Variants in COLGALT2 observed in about 807,000 individuals in gnomAD.
COLGALT2 encodes collagen beta(1-O)galactosyltransferase 2, also known as procollagen galactosyltransferase 2.
Under a neutral mutation model 73.4 loss-of-function variants are expected in COLGALT2, and 49 were observed. The observed-to-expected ratio is 0.67, with a 90% CI of 0.53 to 0.85. The LOEUF is 0.85. COLGALT2 is among the 40% of genes least tolerant of loss of function. COLGALT2 has a pLI of 0.00. For synonymous variants in COLGALT2, 295 were observed against 307.6 expected (o/e 0.96, Z 0.43); for missense variants, 722 against 790.2 (o/e 0.91, Z 1.03).
At chr1:184,032,007 C>T (rs1422308634) in intron 1 of COLGALT2, among the ~76,000 whole-genome samples, 1 of 141,460 alleles carries the variant, frequency 7.1e-6, no homozygotes, top group African/African-American at 2.7e-5. Context: ...AGCAATCCAC[C>T]CACAGTCTCC....
intron 1 of COLGALT2, among the ~76,000 whole-genome samples, chr1:183,981,245 A>G (rs913526712): frequency 6.6e-6 from 1 of 152,194 alleles, no homozygotes; most frequent in African/African-American, 2.4e-5. Flanking sequence ...AAAAATATAT[A>G]TGATATAATA....
chr1:184,021,795 G>A (rs1440541015), intron 1 of COLGALT2, among the ~76,000 whole-genome samples: 1 of 152,206 alleles, frequency 6.6e-6, no homozygotes, highest in African/African-American at 2.4e-5. Context: ...AGAATGTGCA[G>A]CACTCAAGCT....
chr1:184,015,494 C>G (rs1648969379), intron 1 of COLGALT2, among the ~76,000 whole-genome samples: 2 of 152,156 alleles, frequency 1.3e-5, no homozygotes, highest in Admixed American at 6.5e-5. Context: ...AGTCCAATTC[C>G]CGCCATTAGA....
In COLGALT2 at chr1:183,993,286, T is replaced by C. The variant is rs552721485; in HGVS notation, c.264-14766A>G. Among the ~76,000 whole-genome samples, 65 of 152,308 alleles carry C rather than the reference T, an allele frequency of 4.3e-4. 1 individual carries two copies. The highest frequency in any genetic ancestry group is 2.6e-4 in the Admixed American group (4 of 15,292). On this transcript the variant is annotated intron_variant, in intron 1 of 11. Coordinates refer to ENST00000361927, the MANE Select transcript of COLGALT2 (RefSeq NM_015101.4). ...TGCTGAAGGCTCCAGGGGAGCCCAG[T>C]AACTTATCTAAGAGGAAGTGGGGAA...
intron 1 of COLGALT2, among the ~76,000 whole-genome samples, chr1:184,029,412 G>T (rs1207091194): frequency 6.6e-6 from 1 of 152,174 alleles, no homozygotes; most frequent in Non-Finnish European, 1.5e-5. Context: ...GCAGCCTGAG[G>T]TGGGAGCAAA....
chr1:183,988,945 G>A (rs1032750680), intron 1 of COLGALT2, among the ~76,000 whole-genome samples: 12 of 152,064 alleles, frequency 7.9e-5, no homozygotes, highest in African/African-American at 2.9e-4. Flanking sequence ...CAGGCAGTAA[G>A]CTGACCATTT....
chr1:184,032,619 G>T (rs914967116), intron 1 of COLGALT2, among the ~76,000 whole-genome samples: 1 of 152,130 alleles, frequency 6.6e-6, no homozygotes, highest in South Asian at 2.1e-4. Context: ...AAAAAGGTGA[G>T]GAAAACAGAC....
rs115945348 is a variant in COLGALT2 at position 184,029,521 on chromosome 1, T to A, written c.263+7574A>T. ...CACACAGTGTGGGTCTGATGGGGAC[T>A]GGGCTGCCTGGACAAAATCCAGGGG... On this transcript the variant is annotated intron_variant, in intron 1 of 11. Coordinates refer to ENST00000361927, the MANE Select transcript of COLGALT2 (RefSeq NM_015101.4). 4.4e-3 allele frequency among the ~76,000 whole-genome samples: 666 copies of A among 152,324 alleles called. 5 individuals are homozygous for A. Among genetic ancestry groups the A allele is most frequent in the African/African-American group, 0.015 (641 of 41,564 alleles).
intron 6 of COLGALT2, among the ~76,000 whole-genome samples, chr1:183,958,341 T>G (rs572673993): frequency 6.6e-6 from 1 of 152,268 alleles, no homozygotes; most frequent in East Asian, 1.9e-4. Flanking sequence ...TTAAACCCAT[T>G]GCCCACTTAC....
chr1:183,961,931 C>A (rs1411516837), intron 6 of COLGALT2, among the ~76,000 whole-genome samples: 1 of 152,082 alleles, frequency 6.6e-6, no homozygotes, highest in Non-Finnish European at 1.5e-5. Flanking sequence ...AGTGAACCAG[C>A]TCCTTATTTC....
At chr1:183,953,675 C>G (rs1558312822) in intron 7 of COLGALT2, among the ~76,000 whole-genome samples, 1 of 152,104 alleles carries the variant, frequency 6.6e-6, no homozygotes. Context: ...AGTCTTATTC[C>G]TCTCTACTAC....
At chr1:184,031,177 A>T (rs1368104260) in intron 1 of COLGALT2, among the ~76,000 whole-genome samples, 1 of 152,242 alleles carries the variant, frequency 6.6e-6, no homozygotes, top group Non-Finnish European at 1.5e-5. Context: ...ACTACTGATT[A>T]AAAAGCCTGA....
intron 1 of COLGALT2, among the ~76,000 whole-genome samples, chr1:183,991,065 C>T (rs933102864): frequency 1.3e-5 from 2 of 152,120 alleles, no homozygotes; most frequent in South Asian, 2.1e-4. Flanking sequence ...CAATTCCATC[C>T]GCAGGTGCAG....
chr1:184,028,823 A>T (rs1649410676), intron 1 of COLGALT2, among the ~76,000 whole-genome samples: 1 of 152,238 alleles, frequency 6.6e-6, no homozygotes, highest in Non-Finnish European at 1.5e-5. Flanking sequence ...TAATCAGAAA[A>T]CACTGGAGGG....
chr1:183,977,017 A>T (rs1671214748), intron 2 of COLGALT2, among the ~76,000 whole-genome samples: 1 of 152,238 alleles, frequency 6.6e-6, no homozygotes, highest in Non-Finnish European at 1.5e-5. Flanking sequence ...AAATTCATGG[A>T]ATTTTAAAAA....
At chr1:183,990,450 G>A (rs1228332250) in intron 1 of COLGALT2, among the ~76,000 whole-genome samples, 1 of 152,250 alleles carries the variant, frequency 6.6e-6, no homozygotes, top group African/African-American at 2.4e-5. Context: ...TTCACATCAA[G>A]ATGCACCCAG....
intron 1 of COLGALT2, among the ~76,000 whole-genome samples, chr1:184,009,707 A>G (rs956423882): frequency 6.6e-6 from 1 of 152,250 alleles, no homozygotes; most frequent in Non-Finnish European, 1.5e-5. Flanking sequence ...AGAACCTGGT[A>G]GTAATGGTCC....
chr1:183,938,034 G>C lies in COLGALT2; in HGVS notation c.*727C>G. 1 of 985,392 alleles carries C rather than the reference G, an allele frequency of 1.0e-6. No homozygotes were observed. The allele number at this position is 985,392 out of a possible 1,614,324, so 61.0% of individuals were successfully genotyped here. A position where few individuals can be genotyped will look rare whatever the true frequency, so the allele number is the denominator to read the frequency against. On this transcript the variant is annotated 3_prime_UTR_variant, in exon 12 of 12. Transcript: ENST00000361927. ...CCATAATAAAAAAGCCAAACATTGA[G>C]TTTTTTCCCTCAAATACCTACACAA...
At chr1:183,962,820 CA>C (rs2102806565) in intron 6 of COLGALT2, among the ~76,000 whole-genome samples, 2 of 152,310 alleles carry the variant, frequency 1.3e-5, no homozygotes, top group South Asian at 4.1e-4. Context: ...TTTCTAAATC[CA>C]AATTCAACCT....
Sources: allele counts gnomAD v4.1 joint callset (sites outside exome capture counted in the v4.1 genomes callset), GRCh38; gene constraint gnomAD v4.1.1; transcripts MANE v1.5; gene names NCBI Gene and HGNC (gene_info 2026-07-23, HGNC 2026-07-21).